Variants in LRFN4 observed in about 807,000 individuals in gnomAD.
LRFN4 encodes leucine rich repeat and fibronectin type III domain containing 4.
Under a neutral mutation model 29.0 loss-of-function variants are expected in LRFN4, and 10 were observed. That is an observed-to-expected ratio of 0.35 (90% CI 0.21 to 0.59). The LOEUF (loss-of-function observed/expected upper bound fraction) is 0.59. Among genes scored for constraint, LRFN4 ranks in the 20% least tolerant of loss-of-function variants. The pLI is 0.82. For synonymous variants in LRFN4, 493 were observed against 437.0 expected, an observed-to-expected ratio of 1.13 and a Z score of -1.60; for missense variants, 850 against 907.9, an observed-to-expected ratio of 0.94 and a Z score of 0.82.
At chr11:66,859,482 G>A (rs1393828923) in intron 1 of LRFN4, among the ~76,000 whole-genome samples, 155 bp from the exon 2 acceptor site, 1 of 152,198 alleles carries the variant, frequency 6.6e-6, no homozygotes, top group Non-Finnish European at 1.5e-5. Context: ...CCATCTCCTG[G>A]CCACACTCTC....
chr11:66,857,603 G>A lies in LRFN4; in HGVS notation c.-142G>A. 2.3e-6 allele frequency: 2 copies of A among 857,890 alleles called. No individual in the cohort carries two copies. Among genetic ancestry groups the A allele is most frequent in the Non-Finnish European group, 3.5e-6 (2 of 574,698 alleles). The allele number at this position is 857,890 out of a possible 1,614,324, so 53.1% of individuals were successfully genotyped here. A position where few individuals can be genotyped will look rare whatever the true frequency, so the allele number is the denominator to read the frequency against. On this transcript the variant is annotated 5_prime_UTR_variant, in exon 1 of 2. Coordinates refer to ENST00000309602, the MANE Select transcript of LRFN4 (RefSeq NM_024036.5). The surrounding 1 kb of genome is among the most constrained non-coding windows in gnomAD (Gnocchi z 7.1). ...GCCCCAACCTTCCCTCATCTCTGGCGGCCCTCTTGGGCCTCTGACCCAGCC... is the reference window on the plus strand; with the variant it reads ...GCCCCAACCTTCCCTCATCTCTGGCAGCCCTCTTGGGCCTCTGACCCAGCC...
rs755250262 is a variant in LRFN4, at chr11:66,860,021, C to G, written c.1734C>G (p.Pro578=). ...PKAHPPRSPP[P]RPQRSCSLDL... is the part of the protein sequence containing the mutation. The stretch of plus-strand genomic sequence containing the variant: ...CCCACCCGCCGCGGAGCCCCCCGCC[C>G]CGGCCGCAGCGCAGCTGCTCTCTGG... Residue 578 remains proline, a synonymous_variant, in exon 2 of 2, where the codon CCC becomes CCG. Transcript: ENST00000309602. 1.9e-6 allele frequency: 3 copies of G among 1,586,496 alleles called. No homozygotes were observed. The highest frequency in any genetic ancestry group is 1.7e-6 in the Non-Finnish European group (2 of 1,167,146).
In LRFN4 at chr11:66,858,968, C is replaced by A; in HGVS notation, c.1224C>A (p.Ala408=). ...EGEGTLESEP[A]VQVTEVTATS... ...AGGGGACGCTGGAGTCTGAGCCAGCCGTGCAGGTGACGGAGGTGACCGCCA... is the reference window on the plus strand; with the variant it reads ...AGGGGACGCTGGAGTCTGAGCCAGCAGTGCAGGTGACGGAGGTGACCGCCA... The change falls in exon 1 of 2, where the codon GCC becomes GCA. Residue 408 remains alanine, a synonymous_variant. Coordinates refer to ENST00000309602, the MANE Select transcript of LRFN4 (RefSeq NM_024036.5). The surrounding 1 kb of genome is among the most constrained non-coding windows in gnomAD (Gnocchi z 5.9). 1.3e-6 allele frequency: 2 copies of A among 1,573,090 alleles called. No individual in the cohort carries two copies. The highest frequency in any genetic ancestry group is 8.6e-7 in the Non-Finnish European group (1 of 1,156,188).
rs1325049773 is a variant in LRFN4 at position 66,858,086 on chromosome 11, G to A, written c.342G>A (p.Gly114=). 2 of 1,609,200 alleles carry A rather than the reference G, an allele frequency of 1.2e-6. No homozygotes were observed. The highest frequency in any genetic ancestry group is 1.7e-6 in the Non-Finnish European group (2 of 1,178,108). ...ACAGGCTGGTGGAGCTGGGCACCGG[G>A]AGCCTCCGGGGCCCCGTCAATCTGC... is the stretch of plus-strand genomic sequence containing the variant. The part of the protein sequence containing the change: ...DGNRLVELGT[G]SLRGPVNLQH... The change falls in exon 1 of 2, where the codon GGG becomes GGA. Residue 114 remains glycine, a synonymous_variant. Coordinates refer to ENST00000309602, the MANE Select transcript of LRFN4 (RefSeq NM_024036.5). The surrounding 1 kb of genome is among the most constrained non-coding windows in gnomAD (Gnocchi z 5.9).
chr11:66,859,015 G>C lies in LRFN4; in HGVS notation c.1271G>C (p.Gly424Ala). The C allele has an allele frequency of 6.6e-7, 1 of 1,514,148 alleles. No individual in the cohort carries two copies. The highest frequency in any genetic ancestry group is 8.8e-7 in the Non-Finnish European group (1 of 1,131,526). The allele number at this position is 1,514,148 out of a possible 1,614,324, so 93.8% of individuals were successfully genotyped here. ...VTATSGLVSW[G>A]PGRPADPVWM... ...GCCACCTCAGGGCTGGTGAGCTGGG[G>C]TCCCGGGCGGCCAGCCGACCCAGTG... The change falls in exon 1 of 2, where the codon GGT (glycine) becomes GCT (alanine). Residue 424 changes from glycine to alanine, a missense_variant. Transcript: ENST00000309602.
At position 66,858,865 on chromosome 11, in the gene LRFN4, G is replaced by C. The variant is rs1380236624; in HGVS notation, c.1121G>C (p.Gly374Ala). 6.4e-7 allele frequency: 1 copy of C among 1,558,458 alleles called. No individual in the cohort carries two copies. Among genetic ancestry groups the C allele is most frequent in the Admixed American group, 1.9e-5 (1 of 52,366 alleles). Residue 374 changes from glycine to alanine, a missense_variant, in exon 1 of 2, where the codon GGT (glycine) becomes GCT (alanine). By Grantham distance (60) the Gly-to-Ala change is moderately conservative. Coordinates refer to ENST00000309602, the MANE Select transcript of LRFN4 (RefSeq NM_024036.5). This position sits in a 1 kb window ranked among gnomAD's most constrained non-coding sequence, Gnocchi z 5.9. ...CTGCGGGTGCTGGCCTTGCCCCATG[G>C]TGGGAACAGCAGTGCCGAGGGGGGC... The part of the protein sequence containing the change: ...VELRVLALPH[G>A]GNSSAEGGRP...
rs1945945133 is a variant in LRFN4, at chr11:66,857,636, G to A, written c.-109G>A. On this transcript the variant is annotated 5_prime_UTR_variant, in exon 1 of 2. Coordinates refer to ENST00000309602, the MANE Select transcript of LRFN4 (RefSeq NM_024036.5). This position sits in a 1 kb window ranked among gnomAD's most constrained non-coding sequence, Gnocchi z 7.1. Reference sequence around the variant, plus strand: ...TGGGCCTCTGACCCAGCCCCTCCCCGGGCCAGGCTCACAGAAGCTGGCTTC... The same window carrying A: ...TGGGCCTCTGACCCAGCCCCTCCCCAGGCCAGGCTCACAGAAGCTGGCTTC... 1 of 1,281,496 alleles carries A rather than the reference G, an allele frequency of 7.8e-7. No homozygotes were observed. Among genetic ancestry groups the A allele is most frequent in the South Asian group, 1.5e-5 (1 of 65,100 alleles). The allele number at this position is 1,281,496 out of a possible 1,614,324, so 79.4% of individuals were successfully genotyped here. A position where few individuals can be genotyped will look rare whatever the true frequency, so the allele number is the denominator to read the frequency against.
Position 66,858,054 on chromosome 11 carries a change from G to A in LRFN4, c.310G>A (p.Asp104Asn). ...DLESLRSLHLDGNRLVELGTG... is the reference protein window; with the variant it reads ...DLESLRSLHLNGNRLVELGTG... ...CGAGAGCCTGCGTTCCCTCCACCTTGACGGCAACAGGCTGGTGGAGCTGGG... is the reference window on the plus strand; with the variant it reads ...CGAGAGCCTGCGTTCCCTCCACCTTAACGGCAACAGGCTGGTGGAGCTGGG... Residue 104 changes from aspartate to asparagine, a missense_variant, in exon 1 of 2, where the codon GAC becomes AAC. Physicochemically the swap from Asp to Asn is conservative, Grantham distance 23 (BLOSUM62 1). Around this residue, in one of 2 missense-constraint regions of LRFN4, gnomAD observed 106 missense variants for 154.2 expected, o/e 0.69. Coordinates refer to ENST00000309602, the MANE Select transcript of LRFN4 (RefSeq NM_024036.5). This position sits in a 1 kb window ranked among gnomAD's most constrained non-coding sequence, Gnocchi z 5.9. 2 of 1,610,566 alleles carry A rather than the reference G, an allele frequency of 1.2e-6. No individual in the cohort carries two copies. The highest frequency in any genetic ancestry group is 2.2e-5 in the South Asian group (2 of 91,058).
rs1185043821 is a variant in LRFN4 at position 66,858,166 on chromosome 11, A to T, written c.422A>T (p.Asp141Val). Reference sequence around the variant, plus strand: ...GGCCGCATCGCGCCGGGAGCCTTCGACGACTTCCTAGAGAGCCTGGAGGAC... The same window carrying T: ...GGCCGCATCGCGCCGGGAGCCTTCGTCGACTTCCTAGAGAGCCTGGAGGAC... Reference protein sequence around the residue: ...QLGRIAPGAFDDFLESLEDLD... With the variant: ...QLGRIAPGAFVDFLESLEDLD... Residue 141 changes from aspartate (D) to valine (V), a missense_variant, in exon 1 of 2, where the codon GAC becomes GTC. Transcript: ENST00000309602. The surrounding 1 kb of genome is among the most constrained non-coding windows in gnomAD (Gnocchi z 5.9). The T allele has an allele frequency of 1.9e-6, 3 of 1,610,840 alleles. No individual in the cohort carries two copies. Among genetic ancestry groups the T allele is most frequent in the Non-Finnish European group, 2.5e-6 (3 of 1,178,820 alleles).
Position 66,858,530 on chromosome 11 carries a change from C to A in LRFN4, c.786C>A (p.Gly262=), listed in dbSNP as rs1565225488. The A allele has an allele frequency of 6.5e-7, 1 of 1,533,828 alleles. No individual in the cohort carries two copies. The highest frequency in any genetic ancestry group is 2.0e-5 in the Admixed American group (1 of 50,810). ...DDLETCASPP[G]LAGRYFWAVP... ...TGGAAACGTGCGCCTCCCCGCCCGG[C>A]CTGGCCGGCCGCTACTTCTGGGCAG... The change falls in exon 1 of 2, where the codon GGC becomes GGA. Residue 262 remains glycine, a synonymous_variant. Coordinates refer to ENST00000309602, the MANE Select transcript of LRFN4 (RefSeq NM_024036.5). This position sits in a 1 kb window ranked among gnomAD's most constrained non-coding sequence, Gnocchi z 5.9.
In LRFN4 at chr11:66,860,312, CCT is replaced by C; in HGVS notation, c.*118_*119del. On this transcript the variant is annotated 3_prime_UTR_variant, in exon 2 of 2. Coordinates refer to ENST00000309602, the MANE Select transcript of LRFN4 (RefSeq NM_024036.5). Reference sequence around the variant, plus strand: ...TTTTATTCTCAGTACCTCAGGCTCCCCTGTGTACTTGGAGGGGCAGGGAGCCC... The same window carrying C: ...TTTTATTCTCAGTACCTCAGGCTCCCGTGTACTTGGAGGGGCAGGGAGCCC... The C allele has an allele frequency of 7.1e-7, 1 of 1,414,196 alleles. No individual in the cohort carries two copies. The highest frequency in any genetic ancestry group is 9.7e-7 in the Non-Finnish European group (1 of 1,035,428). 87.6% of individuals were successfully genotyped at this position (1,414,196 alleles called of 1,614,324 possible). A position where few individuals can be genotyped will look rare whatever the true frequency, so the allele number is the denominator to read the frequency against.
In LRFN4 at chr11:66,859,665, C is replaced by G. The variant is rs1270781966; in HGVS notation, c.1378C>G (p.Leu460Val). The part of the protein sequence containing the change: ...RIVPASSHHF[L>V]LKHLVPGADY... The stretch of plus-strand genomic sequence containing the variant: ...TGTCCCAGCCTCCAGCCACCACTTC[C>G]TGCTGAAGCACCTCGTCCCCGGCGC... Residue 460 changes from leucine to valine, a missense_variant, in exon 2 of 2, where the codon CTG becomes GTG. Coordinates refer to ENST00000309602, the MANE Select transcript of LRFN4 (RefSeq NM_024036.5). 6.2e-7 allele frequency: 1 copy of G among 1,613,112 alleles called. No homozygotes were observed. Among genetic ancestry groups the G allele is most frequent in the South Asian group, 1.1e-5 (1 of 91,078 alleles).
rs1400402827 is a variant in LRFN4, at chr11:66,857,467, C to G, written c.-278C>G. The G allele has an allele frequency of 4.7e-6, 2 of 423,342 alleles. No homozygotes were observed. The highest frequency in any genetic ancestry group is 8.3e-6 in the Non-Finnish European group (2 of 239,870). The allele number at this position is 423,342 out of a possible 1,614,324, so 26.2% of individuals were successfully genotyped here. A position where few individuals can be genotyped will look rare whatever the true frequency, so the allele number is the denominator to read the frequency against. On this transcript the variant is annotated 5_prime_UTR_variant, in exon 1 of 2. Transcript: ENST00000309602. The surrounding 1 kb of genome is among the most constrained non-coding windows in gnomAD (Gnocchi z 7.1). Reference sequence around the variant, plus strand: ...AGGAAGTTCCGGGACCCTCCCTGCTCTCGGTCCTCCTCCGCTTCCTGCCTC... The same window carrying G: ...AGGAAGTTCCGGGACCCTCCCTGCTGTCGGTCCTCCTCCGCTTCCTGCCTC...
At position 66,859,751 on chromosome 11, in the gene LRFN4, C is replaced by T. The variant is rs1591155927; in HGVS notation, c.1464C>T (p.Ala488=). The T allele has an allele frequency of 6.2e-7, 1 of 1,608,930 alleles. No individual in the cohort carries two copies. Among genetic ancestry groups the T allele is most frequent in the African/African-American group, 1.3e-5 (1 of 74,986 alleles). ...CCGCTGGGCCCTCTGACCTCACGGCCACCAGGCTGCTGGGCTGTGCCCATT... is the reference window on the plus strand; with the variant it reads ...CCGCTGGGCCCTCTGACCTCACGGCTACCAGGCTGCTGGGCTGTGCCCATT... ...SPAAGPSDLT[A]TRLLGCAHFS... Residue 488 remains alanine (A), a synonymous_variant, in exon 2 of 2, where the codon GCC becomes GCT. Coordinates refer to ENST00000309602, the MANE Select transcript of LRFN4 (RefSeq NM_024036.5).
chr11:66,858,325 A>T lies in LRFN4; in HGVS notation c.581A>T (p.Gln194Leu). 6.2e-7 allele frequency: 1 copy of T among 1,606,828 alleles called. No homozygotes were observed. The highest frequency in any genetic ancestry group is 8.5e-7 in the Non-Finnish European group (1 of 1,178,384). The change falls in exon 1 of 2, where the codon CAG (glutamine) becomes CTG (leucine). Residue 194 changes from glutamine (Q) to leucine (L), a missense_variant. By Grantham distance (113) the Gln-to-Leu change is moderately radical. Coordinates refer to ENST00000309602, the MANE Select transcript of LRFN4 (RefSeq NM_024036.5). This position sits in a 1 kb window ranked among gnomAD's most constrained non-coding sequence, Gnocchi z 5.9. ...CCAGGCGCCTTCGCCCAGCTCGGTC[A>T]GCTCTCCCGCCTGGACCTCACCTCC... is the stretch of plus-strand genomic sequence containing the variant. ...LPPGAFAQLG[Q>L]LSRLDLTSNR...
chr11:66,859,742 C>A lies in LRFN4; in HGVS notation c.1455C>A (p.Asp485Glu), dbSNP rs748719583. ...TGTCACCGGCCGCTGGGCCCTCTGACCTCACGGCCACCAGGCTGCTGGGCT... is the reference window on the plus strand; with the variant it reads ...TGTCACCGGCCGCTGGGCCCTCTGAACTCACGGCCACCAGGCTGCTGGGCT... The part of the protein sequence containing the change: ...LALSPAAGPS[D>E]LTATRLLGCA... The change falls in exon 2 of 2, where the codon GAC becomes GAA. Residue 485 changes from aspartate (D) to glutamate (E), a missense_variant. Asp to Glu is a conservative substitution (Grantham distance 45, BLOSUM62 2). Around this residue, in one of 2 missense-constraint regions of LRFN4, gnomAD observed 744 missense variants for 753.8 expected, o/e 0.99. Transcript: ENST00000309602. The A allele has an allele frequency of 2.5e-6, 4 of 1,610,146 alleles. No homozygotes were observed. The highest frequency in any genetic ancestry group is 3.4e-6 in the Non-Finnish European group (4 of 1,178,738).
rs770897306 is a variant in LRFN4 at position 66,859,989 on chromosome 11, C to A, written c.1702C>A (p.Pro568Thr). The A allele has an allele frequency of 1.9e-4, 298 of 1,598,944 alleles. 1 individual carries two copies. The highest frequency in any genetic ancestry group is 5.4e-4 in the Middle Eastern group (3 of 5,574). ...GACCAATGGAGGCCCCAGCCCCACA[C>A]CCAAGGCCCACCCGCCGCGGAGCCC... ...SQTNGGPSPTPKAHPPRSPPP... is the reference protein window; with the variant it reads ...SQTNGGPSPTTKAHPPRSPPP... Residue 568 changes from proline to threonine, a missense_variant, in exon 2 of 2, where the codon CCC becomes ACC. Transcript: ENST00000309602.
At position 66,859,682 on chromosome 11, in the gene LRFN4, C is replaced by T. The variant is rs1197508514; in HGVS notation, c.1395C>T (p.Val465=). The T allele has an allele frequency of 5.0e-6, 8 of 1,612,990 alleles. No individual in the cohort carries two copies. The highest frequency in any genetic ancestry group is 5.9e-6 in the Non-Finnish European group (7 of 1,179,888). ...ACCACTTCCTGCTGAAGCACCTCGT[C>T]CCCGGCGCTGACTATGACCTCTGCC... is the stretch of plus-strand genomic sequence containing the variant. ...SSHHFLLKHL[V]PGADYDLCLL... The change falls in exon 2 of 2, where the codon GTC becomes GTT. Residue 465 remains valine (V), a synonymous_variant. Coordinates refer to ENST00000309602, the MANE Select transcript of LRFN4 (RefSeq NM_024036.5).
At position 66,857,332 on chromosome 11, in the gene LRFN4, C is replaced by G. The variant is rs1300814110; in HGVS notation, c.-413C>G. The G allele has an allele frequency of 6.4e-6, 1 of 155,046 alleles. No homozygotes were observed. Among genetic ancestry groups the G allele is most frequent in the Admixed American group, 6.5e-5 (1 of 15,350 alleles). The allele number at this position is 155,046 out of a possible 1,614,324, so 9.6% of individuals were successfully genotyped here. ...CGCCGGGCGCAGCGCGGGGGCCGGC[C>G]AGGGAGGGGCCACGGACTCCACGGG... is the stretch of plus-strand genomic sequence containing the variant. On this transcript the variant is annotated 5_prime_UTR_variant, in exon 1 of 2. Coordinates refer to ENST00000309602, the MANE Select transcript of LRFN4 (RefSeq NM_024036.5). This position sits in a 1 kb window ranked among gnomAD's most constrained non-coding sequence, Gnocchi z 7.1.
Sources: gnomAD v4.1 joint callset for allele counts (sites outside exome capture counted in the v4.1 genomes callset) on GRCh38, gnomAD v4.1.1 for gene constraint, gnomAD v4.1.1 regional missense constraint, Gnocchi (gnomAD v3.1) non-coding constraint, MANE v1.5 for transcripts, NCBI Gene and HGNC (gene_info 2026-07-23, HGNC 2026-07-21) for gene names.